Variants in PFDN5 observed in about 807,000 individuals in gnomAD.
The protein encoded by PFDN5 is prefoldin subunit 5, also known as c-myc binding protein.
Under a neutral mutation model 21.5 loss-of-function variants are expected in PFDN5, and 13 were observed. That is an observed-to-expected ratio of 0.60 (90% CI 0.39 to 0.96). The LOEUF is 0.96. Ranked by LOEUF, PFDN5 falls within the 40% of genes least tolerant of loss-of-function variation. The pLI is 0.00. For synonymous variants in PFDN5, 84 were observed against 68.9 expected (o/e 1.22, Z -1.08); for missense variants, 188 against 186.2 (o/e 1.01, Z -0.06).
chr12:53,296,074 A>C, intron 2 of PFDN5, 133 bp downstream of exon 2: 1 of 778,088 alleles, frequency 1.3e-6, no homozygotes. Flanking sequence ...AACCCTTTGC[A>C]TGTTGCCTGC....
chr12:53,297,823 G>GT lies in PFDN5; in HGVS notation c.208-22dup, dbSNP rs1944172049. ...ATCATGGCTCATGCTGGGCTGGCTAGTTTTTCCCTTAATTCTTGCTTCTCA... is the reference window on the plus strand; with the variant it reads ...ATCATGGCTCATGCTGGGCTGGCTAGTTTTTTCCCTTAATTCTTGCTTCTCA... On this transcript the variant is annotated intron_variant, in intron 3 of 5. Coordinates refer to ENST00000334478, the MANE Select transcript of PFDN5 (RefSeq NM_002624.4). The GT allele has an allele frequency of 3.2e-6, 5 of 1,576,708 alleles. No individual in the cohort carries two copies. In the South Asian group the frequency reaches 4.4e-5, roughly 14 times the overall value.
chr12:53,298,118 C>T lies in PFDN5; in HGVS notation c.356C>T (p.Pro119Leu), dbSNP rs780391669. The T allele has an allele frequency of 6.2e-7, 1 of 1,612,996 alleles. No individual in the cohort carries two copies. The highest frequency in any genetic ancestry group is 8.5e-7 in the Non-Finnish European group (1 of 1,179,062). ...FLTKQMEKIQ[P>L]ALQEKHAMKQ... Reference sequence around the variant, plus strand: ...ACCAAGCAGATGGAGAAAATCCAACCAGCTCTTCAGGAGAAGCACGCCATG... The same window carrying T: ...ACCAAGCAGATGGAGAAAATCCAACTAGCTCTTCAGGAGAAGCACGCCATG... The change falls in exon 5 of 6, where the codon CCA becomes CTA. Residue 119 changes from proline to leucine, a missense_variant. Physicochemically the swap from Pro to Leu is moderately conservative, Grantham distance 98 (BLOSUM62 -3). Transcript: ENST00000334478.
chr12:53,298,959 A>T (rs761106705), intron 5 of PFDN5: 11 of 251,070 alleles, frequency 4.4e-5, no homozygotes, highest in Non-Finnish European at 8.0e-5. Flanking sequence ...ACCATGGTGA[A>T]ACCCCATCTC....
At position 53,299,326 on chromosome 12, in the gene PFDN5, A is replaced by C; in HGVS notation, c.446A>C (p.Gln149Pro). ...CAGCTCACAGCCCTGGGGGCAGCTC[A>C]GGCTACTGCTAAGGCCTGAGAGTTT... ...IQQLTALGAA[Q>P]ATAKA The change falls in exon 6 of 6, where the codon CAG becomes CCG. Residue 149 changes from glutamine (Q) to proline (P), a missense_variant. Transcript: ENST00000334478. 1 of 1,611,220 alleles carries C rather than the reference A, an allele frequency of 6.2e-7. No individual in the cohort carries two copies. The highest frequency in any genetic ancestry group is 8.5e-7 in the Non-Finnish European group (1 of 1,178,238).
chr12:53,297,483 A>AT, intron 3 of PFDN5: 1 of 201,696 alleles, frequency 5.0e-6, no homozygotes, highest in Non-Finnish European at 1.0e-5. Context: ...CTACTTCATG[A>AT]TTGAGGGCAT....
intron 1 of PFDN5, 98 bp downstream of exon 1, chr12:53,295,737 C>T (rs1033671823): frequency 3.3e-5 from 43 of 1,296,638 alleles, no homozygotes; most frequent in Non-Finnish European, 4.3e-5. Flanking sequence ...CCTACCTTTC[C>T]CAGGCGAAAC....
At position 53,297,810 on chromosome 12, in the gene PFDN5, G is replaced by A. The variant is rs775476246; in HGVS notation, c.208-40G>A. Reference sequence around the variant, plus strand: ...GCTGGCTGGCGGAATCATGGCTCATGCTGGGCTGGCTAGTTTTTCCCTTAA... The same window carrying A: ...GCTGGCTGGCGGAATCATGGCTCATACTGGGCTGGCTAGTTTTTCCCTTAA... On this transcript the variant is annotated intron_variant, in intron 3 of 5. Transcript: ENST00000334478. 2.7e-6 allele frequency: 4 copies of A among 1,485,554 alleles called. No homozygotes were observed. In the African/African-American group the frequency reaches 4.1e-5, roughly 15 times the overall value. The allele number at this position is 1,485,554 out of a possible 1,614,324, so 92.0% of individuals were successfully genotyped here.
chr12:53,296,431 C>T (rs772121672), intron 3 of PFDN5, 156 bp downstream of exon 3: 3 of 713,434 alleles, frequency 4.2e-6, no homozygotes, highest in Non-Finnish European at 7.4e-6. Context: ...TTTTTTGAGA[C>T]GGAATTTCGC....
At chr12:53,297,585 G>C in intron 3 of PFDN5, 2 of 440,630 alleles carry the variant, frequency 4.5e-6, no homozygotes, top group Non-Finnish European at 8.3e-6. Context: ...GGGAAGAATT[G>C]CAAGAACTGC....
chr12:53,297,856 G>A lies in PFDN5; in HGVS notation c.214G>A (p.Val72Ile). 1 of 1,610,546 alleles carries A rather than the reference G, an allele frequency of 6.2e-7. No individual in the cohort carries two copies. The highest frequency in any genetic ancestry group is 1.1e-5 in the South Asian group (1 of 90,962). ...LLVPLTSSMY[V>I]PGKLHDVEHV... ...CTTAATTCTTGCTTCTCAGATGTATGTCCCTGGGAAGCTGCATGATGTGGA... is the reference window on the plus strand; with the variant it reads ...CTTAATTCTTGCTTCTCAGATGTATATCCCTGGGAAGCTGCATGATGTGGA... The change falls in exon 4 of 6, where the codon GTC becomes ATC. Residue 72 changes from valine (V) to isoleucine (I), a missense_variant. By Grantham distance (29) the Val-to-Ile change is conservative. Transcript: ENST00000334478.
chr12:53,295,754 C>T, intron 1 of PFDN5, 85 bp from the exon 2 acceptor site: 1 of 1,270,062 alleles, frequency 7.9e-7, no homozygotes, highest in South Asian at 1.2e-5. Context: ...AAACCTCTAT[C>T]CGATCCCAGG....
intron 1 of PFDN5, 28 bp downstream of exon 1, chr12:53,295,667 T>C: frequency 6.3e-7 from 1 of 1,586,618 alleles, no homozygotes; most frequent in Non-Finnish European, 8.7e-7. Context: ...AGGCACCTCT[T>C]TCCTGCTCTA....
rs757098661 is a variant in PFDN5, at chr12:53,295,603, G to T, written c.36G>T (p.Leu12=). ...AQSINITELN[L]PQLEMLKNQL... ...CTATTAACATCACGGAGCTGAATCT[G>T]CCGCAGCTAGAAATGCTCAAGAACC... The change falls in exon 1 of 6, where the codon CTG becomes CTT. Residue 12 remains leucine, a synonymous_variant. Transcript: ENST00000334478. 6.2e-7 allele frequency: 1 copy of T among 1,614,066 alleles called. No individual in the cohort carries two copies. The highest frequency in any genetic ancestry group is 1.7e-5 in the Admixed American group (1 of 60,020).
At chr12:53,297,641 GCATA>G in intron 3 of PFDN5, 1 of 554,792 alleles carries the variant, frequency 1.8e-6, no homozygotes, top group Non-Finnish European at 3.3e-6. Context: ...GGGTGTTCCA[GCATA>G]CATCATTTTC....
Position 53,295,571 on chromosome 12 carries a change from G to A in PFDN5, c.4G>A (p.Ala2Thr). The A allele has an allele frequency of 6.2e-7, 1 of 1,613,268 alleles. No homozygotes were observed. The highest frequency in any genetic ancestry group is 8.5e-7 in the Non-Finnish European group (1 of 1,179,314). Residue 2 changes from alanine to threonine, a missense_variant, in exon 1 of 6, where the codon GCG becomes ACG. Coordinates refer to ENST00000334478, the MANE Select transcript of PFDN5 (RefSeq NM_002624.4). M[A>T]QSINITELNL... is the part of the protein sequence containing the mutation. ...TCGTTAAGTCGGCCTTCCCAACATGGCGCAGTCTATTAACATCACGGAGCT... is the reference window on the plus strand; with the variant it reads ...TCGTTAAGTCGGCCTTCCCAACATGACGCAGTCTATTAACATCACGGAGCT...
Position 53,298,156 on chromosome 12 carries a change from T to G in PFDN5, c.388+6T>G. ...GAAGCACGCCATGAAACAGGGTAAGTTTTTCCTGGGGCACCTCTTGACCCT... is the reference window on the plus strand; with the variant it reads ...GAAGCACGCCATGAAACAGGGTAAGGTTTTCCTGGGGCACCTCTTGACCCT... On this transcript the variant is annotated splice_donor_region_variant and intron_variant, in intron 5 of 5. Transcript: ENST00000334478. 1 of 1,575,992 alleles carries G rather than the reference T, an allele frequency of 6.3e-7. No individual in the cohort carries two copies.
At chr12:53,295,685 C>A in intron 1 of PFDN5, 46 bp downstream of exon 1, 2 of 1,523,024 alleles carry the variant, frequency 1.3e-6, no homozygotes, top group Non-Finnish European at 9.1e-7. Flanking sequence ...CTACATCCCC[C>A]TTGCCCACGC....
At chr12:53,296,158 G>T (rs1317286867) in intron 2 of PFDN5, 86 bp from the exon 3 acceptor site, 2 of 1,140,362 alleles carry the variant, frequency 1.8e-6, no homozygotes, top group Non-Finnish European at 2.6e-6. Flanking sequence ...CTGTCTGTGG[G>T]TGCTGTGCCC....
At position 53,295,908 on chromosome 12, in the gene PFDN5, G is replaced by T. The variant is rs1352272189; in HGVS notation, c.142G>T (p.Asp48Tyr). 4 of 1,612,348 alleles carry T rather than the reference G, an allele frequency of 2.5e-6. No homozygotes were observed. Among genetic ancestry groups the T allele is most frequent in the Non-Finnish European group, 3.4e-6 (4 of 1,178,508 alleles). ...ACAGACCAAGTATGTGGAAGCCAAG[G>T]ACTGTCTGAACGTGCTGAACAAGAG... The part of the protein sequence containing the change: ...VVQTKYVEAK[D>Y]CLNVLNKSNE... Residue 48 changes from aspartate to tyrosine, a missense_variant, in exon 2 of 6, where the codon GAC becomes TAC. Asp to Tyr is a radical substitution (Grantham distance 160). Transcript: ENST00000334478.
Sources: allele counts gnomAD v4.1 joint callset, GRCh38; gene constraint gnomAD v4.1.1; transcripts MANE v1.5; gene names NCBI Gene and HGNC (gene_info 2026-07-23, HGNC 2026-07-21).